MYOCD: variants seen among roughly 807,000 people sequenced by gnomAD.
MYOCD encodes myocardin.
In MYOCD, 32 loss-of-function variants were observed where a neutral mutation model predicts 96.1. The observed-to-expected ratio is 0.33, with a 90% CI of 0.25 to 0.45. The LOEUF (loss-of-function observed/expected upper bound fraction) is 0.45, where lower values mean the gene tolerates loss of function less well. Among genes scored for constraint, MYOCD ranks in the 20% least tolerant of loss-of-function variants. The pLI, the probability that MYOCD is intolerant of heterozygous loss-of-function variation, is 1.00. For synonymous variants in MYOCD, 469 were observed against 469.0 expected, an observed-to-expected ratio of 1.00 and a Z score of 0.00; for missense variants, 1,133 against 1,200.6, an observed-to-expected ratio of 0.94 and a Z score of 0.83.
intron 1 of MYOCD, among the ~76,000 whole-genome samples, chr17:12,668,971 C>T (rs1909524486): frequency 6.6e-6 from 1 of 151,794 alleles, no homozygotes; most frequent in Non-Finnish European, 1.5e-5. Context: ...TGTCTTAGAC[C>T]CCTTTGGTAA....
intron 2 of MYOCD, among the ~76,000 whole-genome samples, chr17:12,709,232 T>A (rs10852811): frequency 0.25 from 37,724 of 152,162 alleles, 6,898 homozygotes; most frequent in African/African-American, 0.51. Context: ...TCCCTTTTCC[T>A]GGGCATGCAT....
At chr17:12,685,673 A>C (rs2030081188) in intron 1 of MYOCD, among the ~76,000 whole-genome samples, 1 of 152,002 alleles carries the variant, frequency 6.6e-6, no homozygotes, top group South Asian at 2.1e-4. Flanking sequence ...TAAATTTCTC[A>C]CTTGAAAAGT....
chr17:12,758,295 G>A, intron 12 of MYOCD, 82 bp downstream of exon 12: 1 of 1,591,066 alleles, frequency 6.3e-7, no homozygotes, highest in South Asian at 1.1e-5. Context: ...ACTTCACGCA[G>A]TTTGTAAATT....
chr17:12,701,533 T>C (rs2031074720), intron 1 of MYOCD, among the ~76,000 whole-genome samples: 2 of 152,224 alleles, frequency 1.3e-5, no homozygotes, highest in South Asian at 4.1e-4. Context: ...CTGTTTTCTA[T>C]TATAAAGATT....
intron 5 of MYOCD, among the ~76,000 whole-genome samples, chr17:12,723,441 G>A (rs1366677725): frequency 6.6e-6 from 1 of 152,108 alleles, no homozygotes; most frequent in African/African-American, 2.4e-5. Flanking sequence ...ACCTTGAGAT[G>A]GAGGTGACAG....
intron 1 of MYOCD, among the ~76,000 whole-genome samples, chr17:12,697,511 C>T (rs1321387333): frequency 6.7e-6 from 1 of 149,386 alleles, no homozygotes; most frequent in Non-Finnish European, 1.5e-5. Flanking sequence ...TACAGGCGCC[C>T]ACCACTACAC....
chr17:12,720,856 A>G (rs1191587667), intron 4 of MYOCD, among the ~76,000 whole-genome samples: 2 of 151,920 alleles, frequency 1.3e-5, no homozygotes, highest in African/African-American at 2.4e-5. Context: ...CCCCATCTCT[A>G]CTAAAAATAC....
Position 12,749,142 on chromosome 17 carries a change from A to T in MYOCD, c.1125+3070A>T, listed in dbSNP as rs180772114. ...TTTCATAACTGTTAATATTCAATAA[A>T]TTTTTTATTTTTAATAGCAGCATAT... is the stretch of plus-strand genomic sequence containing the variant. On this transcript the variant is annotated intron_variant, in intron 9 of 13. Coordinates refer to ENST00000425538, the MANE Select transcript of MYOCD (RefSeq NM_001146312.3). Among the ~76,000 whole-genome samples, 92 of 152,288 alleles carry T rather than the reference A, an allele frequency of 6.0e-4. No homozygotes were observed. In the Middle Eastern group the frequency reaches 0.01, roughly 17 times the overall value.
At chr17:12,749,795 G>A (rs1416009605) in intron 9 of MYOCD, among the ~76,000 whole-genome samples, 1 of 149,948 alleles carries the variant, frequency 6.7e-6, no homozygotes, top group Non-Finnish European at 1.5e-5. Context: ...ATTTCCTCAG[G>A]CTAGAATAAA....
At chr17:12,715,246 G>C (rs1022244061) in intron 2 of MYOCD, among the ~76,000 whole-genome samples, 3 of 152,008 alleles carry the variant, frequency 2.0e-5, no homozygotes, top group African/African-American at 7.2e-5. Flanking sequence ...ATTTCCTCCG[G>C]AACTTGGAAT....
chr17:12,749,585 C>CTA (rs532313081), intron 9 of MYOCD, among the ~76,000 whole-genome samples: 6 of 144,688 alleles, frequency 4.1e-5, no homozygotes, highest in South Asian at 2.1e-4. Context: ...TATACAAAAC[C>CTA]TATATATATG....
chr17:12,675,790 CGG>C (rs1369962207), intron 1 of MYOCD, among the ~76,000 whole-genome samples: 1 of 152,146 alleles, frequency 6.6e-6, no homozygotes, highest in African/African-American at 2.4e-5. Flanking sequence ...ACCCAGGAGG[CGG>C]AGGTTGCAGT....
In MYOCD at chr17:12,735,201, A is replaced by G. The variant is rs184080844; in HGVS notation, c.416-960A>G. ...CTTGTCAGTGTGATTGCAGAATATC[A>G]GACTGGAAAACTTCCTGATAATACC... On this transcript the variant is annotated intron_variant, in intron 5 of 13. Coordinates refer to ENST00000425538, the MANE Select transcript of MYOCD (RefSeq NM_001146312.3). 8.5e-5 allele frequency among the ~76,000 whole-genome samples: 13 copies of G among 152,384 alleles called. No homozygotes were observed. The East Asian group carries it at 9.6e-4, about 11-fold the overall frequency.
At chr17:12,758,588 G>T (rs185508881) in intron 12 of MYOCD, among the ~76,000 whole-genome samples, 1 of 152,294 alleles carries the variant, frequency 6.6e-6, no homozygotes, top group Admixed American at 6.5e-5. Flanking sequence ...AAATAGATGA[G>T]AGTGACTGTC....
At chr17:12,694,495 C>G (rs749678122) in intron 1 of MYOCD, among the ~76,000 whole-genome samples, 1 of 152,162 alleles carries the variant, frequency 6.6e-6, no homozygotes, top group Non-Finnish European at 1.5e-5. Flanking sequence ...CTGCTGAGAT[C>G]ATCCAGGACT....
chr17:12,763,108 C>A lies in MYOCD; in HGVS notation c.2425C>A (p.Leu809Ile), dbSNP rs149612407. 1.1e-5 allele frequency: 18 copies of A among 1,613,682 alleles called. No homozygotes were observed. The African/African-American group carries it at 2.0e-4, about 18-fold the overall frequency. The change falls in exon 14 of 14, where the codon CTT becomes ATT. Residue 809 changes from leucine to isoleucine, a missense_variant. Physicochemically the swap from Leu to Ile is conservative, Grantham distance 5. Transcript: ENST00000425538. ...AGACGCTAGAGAGGATCACTCATGT[C>A]TTCAAAAAGTCCCAAAGATACCCAG... is the stretch of plus-strand genomic sequence containing the variant. ...PADAREDHSCLQKVPKIPRSS... is the reference protein window; with the variant it reads ...PADAREDHSCIQKVPKIPRSS...
At chr17:12,742,165 A>G (rs912142077) in intron 7 of MYOCD, among the ~76,000 whole-genome samples, 8 of 152,158 alleles carry the variant, frequency 5.3e-5, no homozygotes, top group Non-Finnish European at 8.8e-5. Flanking sequence ...GGAGCCCTGC[A>G]GAAACTCTCC....
At chr17:12,699,118 C>A (rs946524570) in intron 1 of MYOCD, among the ~76,000 whole-genome samples, 1 of 150,502 alleles carries the variant, frequency 6.6e-6, no homozygotes, top group Non-Finnish European at 1.5e-5. Flanking sequence ...TCTCTCCTCT[C>A]CTCTGATAAT....
chr17:12,694,881 C>CAA (rs201215491), intron 1 of MYOCD, among the ~76,000 whole-genome samples: 8,572 of 68,728 alleles, frequency 0.12, 220 homozygotes, highest in Non-Finnish European at 0.15. Flanking sequence ...AAGGAATAAC[C>CAA]AAAAAAAAAA....
Sources: allele counts gnomAD v4.1 joint callset (sites outside exome capture counted in the v4.1 genomes callset), GRCh38; gene constraint gnomAD v4.1.1; transcripts MANE v1.5; gene names NCBI Gene and HGNC (gene_info 2026-07-23, HGNC 2026-07-21).